Variants in CEP63 observed in about 807,000 individuals in gnomAD.
CEP63 encodes centrosomal protein of 63 kDa.
A neutral mutation model predicts 89.1 loss-of-function variants in CEP63; 84 were observed. The ratio of observed to expected loss-of-function variants is 0.94; its 90% CI spans 0.79 to 1.13. The LOEUF (loss-of-function observed/expected upper bound fraction) is 1.13. Ranked by LOEUF, CEP63 falls within the 50% of genes most tolerant of loss-of-function variation. CEP63 has a pLI of 0.00. For synonymous variants in CEP63, 267 were observed against 272.5 expected (o/e 0.98, Z 0.20); for missense variants, 838 against 813.3 (o/e 1.03, Z -0.37).
chr3:134,560,200 T>C (rs1193826154), intron 14 of CEP63, among the ~76,000 whole-genome samples: 1 of 152,262 alleles, frequency 6.6e-6, no homozygotes, highest in African/African-American at 2.4e-5. Context: ...ATAGACTTTC[T>C]CTATTCCACT....
Position 134,486,222 on chromosome 3 carries a change from G to A in CEP63, c.-26+20G>A. 2.0e-6 allele frequency: 2 copies of A among 985,674 alleles called. No homozygotes were observed. Among genetic ancestry groups the A allele is most frequent in the Non-Finnish European group, 2.4e-6 (2 of 830,106 alleles). The allele number at this position is 985,674 out of a possible 1,614,324, so 61.1% of individuals were successfully genotyped here. A position where few individuals can be genotyped will look rare whatever the true frequency, so the allele number is the denominator to read the frequency against. On this transcript the variant is annotated intron_variant, in intron 1 of 14. Coordinates refer to ENST00000675561, the MANE Select transcript of CEP63 (RefSeq NM_001353108.3). The stretch of plus-strand genomic sequence containing the variant: ...CCCGAGGTAACGGCGGGAAGGCTCA[G>A]GGGCGTGCTTGCGGCAACCCTGTAA...
the CEP63 span, among the ~76,000 whole-genome samples, chr3:134,658,455 C>A: frequency 6.6e-6 from 1 of 152,164 alleles, no homozygotes; most frequent in Non-Finnish European, 1.5e-5. Flanking sequence ...GCTTTGATTA[C>A]TTGAAGCTCT....
chr3:134,639,546 A>T, the CEP63 span, among the ~76,000 whole-genome samples: 1 of 152,120 alleles, frequency 6.6e-6, no homozygotes, highest in South Asian at 2.1e-4. Context: ...TGGCAGTTTG[A>T]CCCTAGTGCA....
chr3:134,639,133 A>T, the CEP63 span, among the ~76,000 whole-genome samples: 3 of 140,230 alleles, frequency 2.1e-5, no homozygotes, highest in South Asian at 2.4e-4. Context: ...TTGGTAGTTT[A>T]AAAAAAAATA....
intron 12 of CEP63, among the ~76,000 whole-genome samples, chr3:134,557,370 T>A (rs1185517617): frequency 7.6e-6 from 1 of 131,256 alleles, no homozygotes; most frequent in Non-Finnish European, 1.6e-5. Flanking sequence ...CTTACTTTCA[T>A]AATTTGTTTT....
exon 11 of CEP63, among the ~76,000 whole-genome samples, chr3:134,587,535 C>T (rs557360702): frequency 6.6e-6 from 1 of 152,322 alleles, no homozygotes; most frequent in East Asian, 1.9e-4. Flanking sequence ...GGCTGCAGAA[C>T]AGCAAATATT....
intron 10 of CEP63, among the ~76,000 whole-genome samples, chr3:134,580,356 G>A (rs190865604): frequency 4.0e-5 from 6 of 151,468 alleles, no homozygotes; most frequent in African/African-American, 1.5e-4. Context: ...TTCTAAAACT[G>A]GATTGTGGTG....
At chr3:134,608,982 C>T in the CEP63 span, 1 of 931,516 alleles carries the variant, frequency 1.1e-6, no homozygotes, top group South Asian at 1.8e-5. Context: ...GAGACTCCTC[C>T]TCAGTGGATG....
intron 5 of CEP63, among the ~76,000 whole-genome samples, chr3:134,534,309 C>G (rs1365708122): frequency 6.6e-6 from 1 of 152,158 alleles, no homozygotes; most frequent in East Asian, 1.9e-4. Context: ...TGTGTCTCAT[C>G]TACTTATTCC....
chr3:134,491,481 T>A (rs912801641), intron 1 of CEP63, among the ~76,000 whole-genome samples: 11 of 152,248 alleles, frequency 7.2e-5, no homozygotes, highest in Non-Finnish European at 1.5e-5. Flanking sequence ...TTTCAGGTAC[T>A]GTTGTCATTT....
the CEP63 span, chr3:134,627,744 T>G: frequency 1.2e-6 from 2 of 1,613,014 alleles, no homozygotes; most frequent in Non-Finnish European, 1.7e-6. Context: ...CCTGGAAGAC[T>G]CTGGAACTTA....
the CEP63 span, among the ~76,000 whole-genome samples, chr3:134,633,828 T>C: frequency 3.3e-5 from 5 of 152,134 alleles, no homozygotes; most frequent in African/African-American, 1.2e-4. Context: ...TTATTCACAG[T>C]TGATATGTCT....
the CEP63 span, among the ~76,000 whole-genome samples, chr3:134,724,436 G>A: frequency 6.6e-6 from 1 of 152,182 alleles, no homozygotes; most frequent in African/African-American, 2.4e-5. Flanking sequence ...TGGCCATGTT[G>A]GTATAGAAAT....
At chr3:134,577,075 C>G (rs1162811195), downstream of CEP63, among the ~76,000 whole-genome samples, 8 of 152,118 alleles carry the variant, frequency 5.3e-5, no homozygotes, top group Non-Finnish European at 1.5e-5. Flanking sequence ...AGTTAAGATT[C>G]CCAGGAAAGG....
intron 3 of CEP63, among the ~76,000 whole-genome samples, chr3:134,518,916 A>G (rs1462294849): frequency 2.0e-5 from 3 of 147,322 alleles, no homozygotes; most frequent in Non-Finnish European, 4.4e-5. Flanking sequence ...ACTAATTAAG[A>G]AAAAAGGGGG....
At chr3:134,692,574 G>A in the CEP63 span, among the ~76,000 whole-genome samples, 3 of 152,126 alleles carry the variant, frequency 2.0e-5, no homozygotes, top group Non-Finnish European at 1.5e-5. Context: ...GTTTACTCAC[G>A]AGAGAAAAGA....
the CEP63 span, among the ~76,000 whole-genome samples, chr3:134,734,924 A>G: frequency 6.6e-6 from 1 of 152,252 alleles, no homozygotes; most frequent in Admixed American, 6.5e-5. Context: ...CTGCCAGATA[A>G]TCATTTTCCC....
intron 5 of CEP63, among the ~76,000 whole-genome samples, chr3:134,533,277 G>A (rs1325027576): frequency 1.3e-5 from 2 of 152,174 alleles, no homozygotes; most frequent in Non-Finnish European, 2.9e-5. Flanking sequence ...TACCTCAAAT[G>A]CCAGTAACTC....
At chr3:134,741,606 C>T in the CEP63 span, among the ~76,000 whole-genome samples, 1 of 152,188 alleles carries the variant, frequency 6.6e-6, no homozygotes, top group Admixed American at 6.5e-5. Flanking sequence ...TTCATACTTG[C>T]TCCAGCCTTT....
Sources: allele counts gnomAD v4.1 joint callset (sites outside exome capture counted in the v4.1 genomes callset), GRCh38; gene constraint gnomAD v4.1.1; transcripts MANE v1.5; gene names NCBI Gene and HGNC (gene_info 2026-07-23, HGNC 2026-07-21).